The following HVCN1 variants were observed in gnomAD, a reference collection of about 807,000 sequenced individuals.
The protein encoded by HVCN1 is voltage-gated hydrogen channel 1.
In HVCN1, 14 loss-of-function variants were observed where a neutral mutation model predicts 29.2. The observed-to-expected ratio is 0.48, with a 90% CI of 0.32 to 0.75. HVCN1 has a LOEUF of 0.75. HVCN1 is among the 30% of genes least tolerant of loss of function. HVCN1 has a pLI of 0.04. For synonymous variants in HVCN1, 131 were observed against 133.2 expected (o/e 0.98, Z 0.11); for missense variants, 263 against 341.8 (o/e 0.77, Z 1.82).
intron 5 of HVCN1, 44 bp from the exon 6 acceptor site, chr12:110,651,492 G>T: frequency 7.2e-7 from 1 of 1,383,534 alleles, no homozygotes; most frequent in Non-Finnish European, 1.0e-6. Context: ...TTGGGCCTCT[G>T]GGAGGTCAAG....
At chr12:110,699,555 G>A (rs1273694690) in intron 2 of HVCN1, among the ~76,000 whole-genome samples, 1 of 152,158 alleles carries the variant, frequency 6.6e-6, no homozygotes, top group Non-Finnish European at 1.5e-5. Context: ...AGCTGAGGGA[G>A]AGACAGAGAA....
chr12:110,687,257 ACC>A (rs59009240), intron 2 of HVCN1, among the ~76,000 whole-genome samples: 11,956 of 109,336 alleles, frequency 0.11, 570 homozygotes, highest in Middle Eastern at 0.13. Context: ...GACAGACCAC[ACC>A]CCCCCCCCCC....
At chr12:110,701,918 A>AC (rs774141665) in intron 2 of HVCN1, among the ~76,000 whole-genome samples, 1 of 150,916 alleles carries the variant, frequency 6.6e-6, no homozygotes, top group East Asian at 1.9e-4. Context: ...AACAACAACA[A>AC]AACACACACA....
intron 3 of HVCN1, among the ~76,000 whole-genome samples, chr12:110,669,071 G>A (rs886065047): frequency 1.3e-5 from 2 of 151,972 alleles, no homozygotes; most frequent in Admixed American, 6.6e-5. Context: ...CCAGTCTGAT[G>A]TTCAAGATCC....
intron 5 of HVCN1, 104 bp from the exon 6 acceptor site, chr12:110,651,552 G>A (rs1566025791): frequency 2.7e-6 from 2 of 742,840 alleles, no homozygotes. Context: ...TTCCTCTGGT[G>A]GACAAATCCA....
chr12:110,657,301 CT>C lies in HVCN1; in HGVS notation c.307-1964del, dbSNP rs541575904. 1.7e-3 allele frequency among the ~76,000 whole-genome samples: 263 copies of C among 152,154 alleles called. 4 individuals carry two copies. Among genetic ancestry groups the C allele is most frequent in the Non-Finnish European group, 2.6e-3 (174 of 67,994 alleles). The stretch of plus-strand genomic sequence containing the variant: ...CTGAGGTCAGGAGTTCGAGACCAGC[CT>C]GGCTAACATAGTGAAACCCTGTTTC... On this transcript the variant is annotated intron_variant, in intron 4 of 7. Transcript: ENST00000242607.
Position 110,649,458 on chromosome 12 carries a change from T to C in HVCN1, c.774A>G (p.Arg258=). The C allele has an allele frequency of 6.2e-7, 1 of 1,604,860 alleles. No homozygotes were observed. ...CATGCTGTCGCAATAGTTTGTTAAG[T>C]CTTTCAATTTCTTGTTCCTATTGCA... is the stretch of plus-strand genomic sequence containing the variant. The part of the protein sequence containing the change: ...SCSEKEQEIE[R]LNKLLRQHGL... The change falls in exon 8 of 8, where the codon AGA becomes AGG. Residue 258 remains arginine (R), a synonymous_variant. Transcript: ENST00000242607.
chr12:110,660,240 G>A (rs1050995008), intron 4 of HVCN1, among the ~76,000 whole-genome samples: 1 of 152,220 alleles, frequency 6.6e-6, no homozygotes, highest in African/African-American at 2.4e-5. Context: ...GCCAGGCGTG[G>A]TGGCAGGCGC....
chr12:110,689,141 A>G (rs1309924178), upstream of HVCN1: 1 of 79,382 alleles, frequency 1.3e-5, no homozygotes, highest in East Asian at 3.3e-4. The surrounding 1 kb of genome is among the most constrained non-coding windows in gnomAD (Gnocchi z 5.7). Context: ...GGTCCGGCCC[A>G]GCCCGTCCCG....
At chr12:110,683,141 CCT>C in intron 3 of HVCN1, 82 bp downstream of exon 3, 1 of 1,556,624 alleles carries the variant, frequency 6.4e-7, no homozygotes, top group Admixed American at 1.7e-5. Context: ...GGGAGTTCTC[CCT>C]CTCCTGTTTG....
At chr12:110,689,474 G>C (rs1472004420), upstream of HVCN1, 1 of 152,192 alleles carries the variant, frequency 6.6e-6, no homozygotes, top group Non-Finnish European at 1.5e-5. The surrounding 1 kb of genome is among the most constrained non-coding windows in gnomAD (Gnocchi z 5.7). Context: ...TTCCTCCGCC[G>C]GCTGGAGCGG....
At chr12:110,697,889 A>G (rs577169503) in intron 2 of HVCN1, among the ~76,000 whole-genome samples, 1 of 152,208 alleles carries the variant, frequency 6.6e-6, no homozygotes, top group South Asian at 2.1e-4. Flanking sequence ...TGACCTCGTG[A>G]TCTGCCCACC....
chr12:110,701,967 C>T (rs1377169754), intron 2 of HVCN1, among the ~76,000 whole-genome samples: 2 of 147,926 alleles, frequency 1.4e-5, no homozygotes, highest in Admixed American at 6.9e-5. Context: ...TTTTTTGAGA[C>T]GGAGTTTCAC....
intron 3 of HVCN1, among the ~76,000 whole-genome samples, chr12:110,668,131 C>T (rs1438492730): frequency 1.3e-5 from 2 of 152,062 alleles, no homozygotes; most frequent in African/African-American, 2.4e-5. Flanking sequence ...AGTAGTGTGG[C>T]GTACAGAGCA....
At chr12:110,679,489 T>G (rs2068867117) in intron 3 of HVCN1, among the ~76,000 whole-genome samples, 3 of 152,194 alleles carry the variant, frequency 2.0e-5, no homozygotes, top group Admixed American at 6.5e-5. Flanking sequence ...GGCTAAGTGT[T>G]TTCCGCACGC....
At chr12:110,654,589 C>T (rs945811327) in intron 5 of HVCN1, among the ~76,000 whole-genome samples, 1 of 151,644 alleles carries the variant, frequency 6.6e-6, no homozygotes, top group Non-Finnish European at 1.5e-5. Context: ...AGCGATTCTC[C>T]TGCCTCAGCC....
At chr12:110,699,478 C>T (rs975273999) in intron 2 of HVCN1, among the ~76,000 whole-genome samples, 1 of 152,056 alleles carries the variant, frequency 6.6e-6, no homozygotes, top group Non-Finnish European at 1.5e-5. Context: ...GCCTTCCAGC[C>T]GTCTCCTGTT....
chr12:110,695,794 G>A (rs1033135830), intron 2 of HVCN1, among the ~76,000 whole-genome samples: 2 of 152,178 alleles, frequency 1.3e-5, no homozygotes, highest in Non-Finnish European at 2.9e-5. Context: ...TTGGCCTTAT[G>A]AGGCCAAAAG....
intron 5 of HVCN1, among the ~76,000 whole-genome samples, chr12:110,652,588 C>T (rs1434630545): frequency 1.3e-5 from 2 of 152,074 alleles, no homozygotes; most frequent in Non-Finnish European, 2.9e-5. Context: ...ACAATCTGAA[C>T]ATTGAAAAGA....
Sources: gnomAD v4.1 joint callset for allele counts (sites outside exome capture counted in the v4.1 genomes callset) on GRCh38, gnomAD v4.1.1 for gene constraint, Gnocchi (gnomAD v3.1) non-coding constraint, MANE v1.5 for transcripts, NCBI Gene and HGNC (gene_info 2026-07-23, HGNC 2026-07-21) for gene names.